Variants in PAPPA observed in about 807,000 individuals in gnomAD.
PAPPA encodes pappalysin-1.
A neutral mutation model predicts 164.0 loss-of-function variants in PAPPA; 60 were observed. The ratio of observed to expected loss-of-function variants is 0.37; its 90% confidence interval spans 0.30 to 0.45. The LOEUF is 0.45. Among genes scored for constraint, PAPPA ranks in the 20% least tolerant of loss-of-function variants. The probability of loss-of-function intolerance (pLI) is 1.00; values close to 1 mark genes in which losing one functional copy is unlikely to be tolerated. For missense variants in PAPPA, 1,782 were observed against 2,087.3 expected (o/e 0.85, Z 2.85); for synonymous variants, 875 against 814.1 (o/e 1.07, Z -1.27).
At chr9:116,275,593 G>C (rs1446351151) in intron 9 of PAPPA, among the ~76,000 whole-genome samples, 1 of 152,030 alleles carries the variant, frequency 6.6e-6, no homozygotes, top group African/African-American at 2.4e-5. Context: ...TCCTTCCACT[G>C]TTCTTTCTTT....
chr9:116,207,622 C>CA, intron 3 of PAPPA, 21 bp downstream of exon 3: 8 of 1,602,628 alleles, frequency 5.0e-6, no homozygotes, highest in Non-Finnish European at 6.8e-6. Context: ...GAAACTCCTT[C>CA]AGGAGGCAAC....
intron 10 of PAPPA, chr9:116,318,391 C>T (rs1389644786): frequency 6.6e-6 from 1 of 151,812 alleles, no homozygotes; most frequent in African/African-American, 2.4e-5. Context: ...GAATGAAGAA[C>T]CTAACACATA....
chr9:116,373,527 A>T (rs1423668709), intron 19 of PAPPA: 1 of 152,070 alleles, frequency 6.6e-6, no homozygotes, highest in Non-Finnish European at 1.5e-5. Context: ...GACATCCAGG[A>T]GGGGTGTCAG....
chr9:116,391,935 T>A (rs1846898297), intron 21 of PAPPA, among the ~76,000 whole-genome samples: 1 of 152,144 alleles, frequency 6.6e-6, no homozygotes, highest in African/African-American at 2.4e-5. Context: ...TATCAAGATG[T>A]GATTCTTCTC....
chr9:116,159,707 A>G (rs1045140143), intron 1 of PAPPA, among the ~76,000 whole-genome samples: 3 of 152,172 alleles, frequency 2.0e-5, no homozygotes, highest in African/African-American at 7.2e-5. Flanking sequence ...AACAAGTAGA[A>G]GTGATAAAGG....
At position 116,235,472 on chromosome 9, in the gene PAPPA, A is replaced by G. The variant is rs141012909; in HGVS notation, c.2567A>G (p.Tyr856Cys). Residue 856 changes from tyrosine (Y) to cysteine (C), a missense_variant, in exon 7 of 22, where the codon TAC becomes TGC. Physicochemically the swap from Tyr to Cys is radical, Grantham distance 194. Transcript: ENST00000328252. ...VGEEVYGIQI[Y>C]TLDEHLEIDA... ...GAGGAGGTGTATGGCATCCAAATCT[A>G]CACGCTGGATGAGCACCTGGAGATC... 1.2e-6 allele frequency: 2 copies of G among 1,613,408 alleles called. No individual in the cohort carries two copies. Among genetic ancestry groups the G allele is most frequent in the East Asian group, 4.5e-5 (2 of 44,822 alleles).
Position 116,154,411 on chromosome 9 carries a change from A to G in PAPPA, c.239A>G (p.Gln80Arg). 1 of 1,197,234 alleles carries G rather than the reference A, an allele frequency of 8.4e-7. No individual in the cohort carries two copies. 74.2% of individuals were successfully genotyped at this position (1,197,234 alleles called of 1,614,324 possible). A position where few individuals can be genotyped will look rare whatever the true frequency, so the allele number is the denominator to read the frequency against. Residue 80 changes from glutamine (Q) to arginine (R), a missense_variant, in exon 1 of 22, where the codon CAG becomes CGG. Physicochemically the swap from Gln to Arg is conservative, Grantham distance 43. This residue lies in a region of PAPPA where 458 missense variants were observed against 430.3 expected (regional missense o/e 1.06). Transcript: ENST00000328252. The surrounding 1 kb of genome is among the most constrained non-coding windows in gnomAD (Gnocchi z 5.2). ...GTGCGCGTCCCCCGGCGGCGGCAGC[A>G]GCGGGAGGCGAGGGGCGCCACCGAG... is the stretch of plus-strand genomic sequence containing the variant. ...EAVRVPRRRQ[Q>R]REARGATEEP...
chr9:116,248,974 G>T (rs918550591), intron 7 of PAPPA, among the ~76,000 whole-genome samples: 1 of 152,108 alleles, frequency 6.6e-6, no homozygotes, highest in Non-Finnish European at 1.5e-5. Flanking sequence ...GCTCCTCTTG[G>T]GGCCTCAGCT....
intron 21 of PAPPA, among the ~76,000 whole-genome samples, chr9:116,394,095 G>C (rs763463209): frequency 2.0e-5 from 3 of 152,172 alleles, no homozygotes; most frequent in African/African-American, 7.2e-5. Context: ...GAGGTAACTG[G>C]ATCGTGCTAA....
intron 21 of PAPPA, among the ~76,000 whole-genome samples, chr9:116,387,103 T>A (rs1038679256): frequency 1.3e-5 from 2 of 151,826 alleles, no homozygotes; most frequent in African/African-American, 4.8e-5. Context: ...CTGGGTGAGT[T>A]TCAAGCACCT....
chr9:116,159,758 A>G (rs1259799063), intron 1 of PAPPA, among the ~76,000 whole-genome samples: 1 of 152,166 alleles, frequency 6.6e-6, no homozygotes, highest in Non-Finnish European at 1.5e-5. Flanking sequence ...TTCCCTGCAC[A>G]GAGGAAGGCA....
At chr9:116,234,377 G>T (rs1844634402) in intron 6 of PAPPA, among the ~76,000 whole-genome samples, 1 of 152,130 alleles carries the variant, frequency 6.6e-6, no homozygotes, top group African/African-American at 2.4e-5. Context: ...CAGTGGTATG[G>T]AATGACTGCA....
chr9:116,238,839 A>G (rs773066059), intron 7 of PAPPA, among the ~76,000 whole-genome samples: 92 of 152,000 alleles, frequency 6.1e-4, no homozygotes, highest in Non-Finnish European at 1.2e-3. Context: ...TTCCAAATCA[A>G]CCTACCATTT....
chr9:116,367,193 A>C (rs1432549160), intron 18 of PAPPA, among the ~76,000 whole-genome samples: 1 of 152,232 alleles, frequency 6.6e-6, no homozygotes, highest in Non-Finnish European at 1.5e-5. Context: ...GATGAACAAG[A>C]GAAGAAGCAC....
chr9:116,306,998 AAGG>A (rs1845654890), intron 10 of PAPPA, among the ~76,000 whole-genome samples: 1 of 152,212 alleles, frequency 6.6e-6, no homozygotes. Flanking sequence ...TAAGCATTTC[AAGG>A]GGAGTAGTTT....
chr9:116,185,488 T>C (rs1014455528), intron 1 of PAPPA, among the ~76,000 whole-genome samples: 1 of 152,206 alleles, frequency 6.6e-6, no homozygotes, highest in Non-Finnish European at 1.5e-5. Flanking sequence ...TGATGAGCAC[T>C]TATAGCAGGT....
chr9:116,258,654 C>A (rs1409128260), intron 7 of PAPPA, among the ~76,000 whole-genome samples: 1 of 151,474 alleles, frequency 6.6e-6, no homozygotes. Flanking sequence ...AAAAATAGAC[C>A]GATGAAACAA....
chr9:116,334,454 G>A (rs16933440), intron 12 of PAPPA, among the ~76,000 whole-genome samples: 2 of 152,054 alleles, frequency 1.3e-5, no homozygotes, highest in Admixed American at 6.6e-5. Context: ...CCTGGGAAGC[G>A]CCTGTTGCTA....
At chr9:116,262,304 A>T (rs868137290) in intron 7 of PAPPA, among the ~76,000 whole-genome samples, 4 of 152,354 alleles carry the variant, frequency 2.6e-5, no homozygotes, top group Middle Eastern at 3.4e-3. Context: ...TAAAATATTC[A>T]GATGCAGACT....
Sources: allele counts gnomAD v4.1 joint callset (sites outside exome capture counted in the v4.1 genomes callset), GRCh38; gene constraint gnomAD v4.1.1; regional missense constraint gnomAD v4.1.1; non-coding constraint Gnocchi (gnomAD v3.1); transcripts MANE v1.5; gene names NCBI Gene and HGNC (gene_info 2026-07-23, HGNC 2026-07-21).